Variants in SS18 observed in about 807,000 individuals in gnomAD.
SS18 encodes the protein protein SSXT.
Under a neutral mutation model 72.5 loss-of-function variants are expected in SS18, and 28 were observed. That is an observed-to-expected ratio of 0.39 (90% CI 0.29 to 0.53). The LOEUF is 0.53. SS18 is among the 20% of genes least tolerant of loss of function. The pLI, the probability that SS18 is intolerant of heterozygous loss-of-function variation, is 0.76. For synonymous variants in SS18, 172 were observed against 164.2 expected, an observed-to-expected ratio of 1.05 and a Z score of -0.37; for missense variants, 518 against 535.3, an observed-to-expected ratio of 0.97 and a Z score of 0.32.
chr18:26,069,507 T>TAAAAAAAAAA (rs11329781), intron 3 of SS18, among the ~76,000 whole-genome samples: 28 of 85,632 alleles, frequency 3.3e-4, no homozygotes, highest in East Asian at 5.6e-4. Context: ...CCTACCAAAG[T>TAAAAAAAAAA]AAAAAAAAAA....
chr18:26,051,111 T>C (rs1011616751), intron 5 of SS18, among the ~76,000 whole-genome samples: 2 of 151,702 alleles, frequency 1.3e-5, no homozygotes, highest in African/African-American at 4.8e-5. Flanking sequence ...CCAAGGCAGG[T>C]GATCACTTAA....
At chr18:26,080,369 A>AT in intron 2 of SS18, 1 of 985,352 alleles carries the variant, frequency 1.0e-6, no homozygotes, top group Non-Finnish European at 1.2e-6. Flanking sequence ...ACGACATGAG[A>AT]TTTTCTGAGG....
At chr18:26,051,155 C>A (rs1003098307) in intron 5 of SS18, among the ~76,000 whole-genome samples, 1 of 151,708 alleles carries the variant, frequency 6.6e-6, no homozygotes, top group African/African-American at 2.4e-5. Context: ...GGGCAACATA[C>A]CAAGACATTG....
At chr18:26,049,661 C>T (rs983419547) in intron 5 of SS18, among the ~76,000 whole-genome samples, 13 of 152,142 alleles carry the variant, frequency 8.5e-5, no homozygotes, top group Admixed American at 3.9e-4. Flanking sequence ...CAGGCACAAG[C>T]TACCACGCCC....
intron 1 of SS18, chr18:26,089,850 G>A (rs1400811400): frequency 6.6e-6 from 1 of 152,360 alleles, no homozygotes; most frequent in African/African-American, 2.4e-5. Flanking sequence ...GCCTAAAATA[G>A]GCGCTCAATA....
At chr18:26,062,985 TA>T (rs1242764503) in intron 3 of SS18, among the ~76,000 whole-genome samples, 4 of 152,144 alleles carry the variant, frequency 2.6e-5, no homozygotes, top group Non-Finnish European at 5.9e-5. Flanking sequence ...CCTATGAATA[TA>T]AAAAAATTTT....
At chr18:26,021,020 C>T (rs1458628553) in intron 10 of SS18, among the ~76,000 whole-genome samples, 1 of 152,060 alleles carries the variant, frequency 6.6e-6, no homozygotes, top group Non-Finnish European at 1.5e-5. Context: ...GTAAATATTA[C>T]CTCCATTTTA....
intron 3 of SS18, among the ~76,000 whole-genome samples, chr18:26,058,035 T>C (rs1396891452): frequency 6.6e-6 from 1 of 152,204 alleles, no homozygotes; most frequent in Non-Finnish European, 1.5e-5. Context: ...ATCTAAATTA[T>C]GTGAAAAAAA....
intron 5 of SS18, among the ~76,000 whole-genome samples, chr18:26,047,703 C>T (rs1316515175): frequency 1.3e-5 from 2 of 152,084 alleles, no homozygotes; most frequent in African/African-American, 4.8e-5. Context: ...ATTAGCCGGG[C>T]ATGGTGGCGG....
intron 2 of SS18, among the ~76,000 whole-genome samples, chr18:26,078,572 A>C (rs2054459676): frequency 6.6e-6 from 1 of 152,158 alleles, no homozygotes; most frequent in Non-Finnish European, 1.5e-5. Flanking sequence ...AAAAGAACTA[A>C]ATAAAGGAAT....
At chr18:26,025,678 A>G (rs2053433704) in intron 10 of SS18, among the ~76,000 whole-genome samples, 1 of 152,148 alleles carries the variant, frequency 6.6e-6, no homozygotes, top group Non-Finnish European at 1.5e-5. Context: ...TATTTCATAA[A>G]TTAAATTTAT....
intron 10 of SS18, among the ~76,000 whole-genome samples, chr18:26,027,737 C>A (rs1206805047): frequency 2.5e-4 from 30 of 121,976 alleles, no homozygotes; most frequent in Admixed American, 2.4e-3. Flanking sequence ...AGAAAATTAG[C>A]TATGCATCAG....
intron 9 of SS18, among the ~76,000 whole-genome samples, chr18:26,034,087 T>C (rs2053588026): frequency 6.6e-6 from 1 of 152,138 alleles, no homozygotes; most frequent in African/African-American, 2.4e-5. Context: ...TTTAGAAAAA[T>C]ACCTGACTCC....
intron 10 of SS18, among the ~76,000 whole-genome samples, chr18:26,032,011 G>A (rs1043958928): frequency 1.3e-5 from 2 of 152,150 alleles, no homozygotes; most frequent in East Asian, 3.9e-4. Flanking sequence ...ATCACGGAGG[G>A]GGAACCAAAT....
chr18:26,050,769 C>A (rs1018166499), intron 5 of SS18, among the ~76,000 whole-genome samples: 6 of 151,776 alleles, frequency 4.0e-5, no homozygotes, highest in Admixed American at 3.3e-4. Context: ...ATTAGCCGGG[C>A]GTAGTGGTGG....
intron 1 of SS18, among the ~76,000 whole-genome samples, chr18:26,088,440 A>C (rs2144199860): frequency 6.6e-6 from 1 of 152,326 alleles, no homozygotes; most frequent in Non-Finnish European, 1.5e-5. Flanking sequence ...AATTAAACAT[A>C]ATAATTTCTA....
chr18:26,078,046 T>C (rs753837477), intron 3 of SS18, 30 bp downstream of exon 3: 9 of 1,516,396 alleles, frequency 5.9e-6, no homozygotes, highest in Non-Finnish European at 8.2e-6. Flanking sequence ...ATAAAGATTG[T>C]CTACTTCACA....
chr18:26,058,218 A>C (rs551619838), intron 3 of SS18, among the ~76,000 whole-genome samples: 32 of 152,328 alleles, frequency 2.1e-4, no homozygotes, highest in Admixed American at 2.1e-3. Flanking sequence ...TAAAACATGA[A>C]GACAACAGTT....
chr18:26,044,404 A>G (rs1598556919), intron 5 of SS18, among the ~76,000 whole-genome samples: 1 of 150,506 alleles, frequency 6.6e-6, no homozygotes, highest in Non-Finnish European at 1.5e-5. Flanking sequence ...GCTGACTGCA[A>G]CCTCCGCCTC....
Sources: gnomAD v4.1 joint callset for allele counts (sites outside exome capture counted in the v4.1 genomes callset) on GRCh38, gnomAD v4.1.1 for gene constraint, MANE v1.5 for transcripts, NCBI Gene and HGNC (gene_info 2026-07-23, HGNC 2026-07-21) for gene names.